Variants in DIP2C observed in about 807,000 individuals in gnomAD.
DIP2C encodes the protein DIP2 acetate--CoA ligase C (putative).
Under a neutral mutation model 192.4 loss-of-function variants are expected in DIP2C, and 33 were observed. The ratio of observed to expected loss-of-function variants is 0.17; its 90% CI spans 0.13 to 0.23. The LOEUF (loss-of-function observed/expected upper bound fraction) is 0.23, where lower values mean the gene tolerates loss of function less well. DIP2C is among the 10% of genes least tolerant of loss of function. The pLI, the probability that DIP2C is intolerant of heterozygous loss-of-function variation, is 1.00. For missense variants in DIP2C, 1,537 were observed against 2,110.1 expected, an observed-to-expected ratio of 0.73 and a Z score of 5.32; for synonymous variants, 979 against 864.1, an observed-to-expected ratio of 1.13 and a Z score of -2.33.
rs1029334676 is a variant in DIP2C at position 671,098 on chromosome 10, C to G, written c.85+18396G>C. 5.3e-5 allele frequency among the ~76,000 whole-genome samples: 8 copies of G among 152,270 alleles called. 1 individual carries two copies. The highest frequency in any genetic ancestry group is 1.9e-4 in the African/African-American group (8 of 41,468). Reference sequence around the variant, plus strand: ...GCCCCTCAGACCGAGGGCTCCGCTACGTGGCTATGACCCCATCCCTGCGGC... The same window carrying G: ...GCCCCTCAGACCGAGGGCTCCGCTAGGTGGCTATGACCCCATCCCTGCGGC... On this transcript the variant is annotated intron_variant, in intron 1 of 36. Transcript: ENST00000280886.
At chr10:362,219 G>A (rs1000686920) in intron 22 of DIP2C, among the ~76,000 whole-genome samples, 10 of 152,224 alleles carry the variant, frequency 6.6e-5, no homozygotes, top group Admixed American at 2.6e-4. Context: ...AGGAGAATGA[G>A]CTTTTGCTAC....
intron 1 of DIP2C, among the ~76,000 whole-genome samples, chr10:491,079 T>C (rs1844409765): frequency 6.6e-6 from 1 of 152,228 alleles, no homozygotes; most frequent in Admixed American, 6.5e-5. Flanking sequence ...CACCCGGCCC[T>C]TGTGGCTTCC....
chr10:603,190 T>A (rs2131709778), intron 1 of DIP2C, among the ~76,000 whole-genome samples: 1 of 149,914 alleles, frequency 6.7e-6, no homozygotes, highest in South Asian at 2.1e-4. Context: ...ATCATGCAAT[T>A]TGGAGGCTGA....
chr10:686,825 C>T (rs1404330898), intron 1 of DIP2C, among the ~76,000 whole-genome samples: 2 of 152,258 alleles, frequency 1.3e-5, no homozygotes, highest in Non-Finnish European at 1.5e-5. Flanking sequence ...CATGTAATGG[C>T]GCCCAGCAGG....
At chr10:524,118 G>A (rs1325181303) in intron 1 of DIP2C, among the ~76,000 whole-genome samples, 3 of 152,158 alleles carry the variant, frequency 2.0e-5, no homozygotes, top group African/African-American at 7.2e-5. Flanking sequence ...AGGAGTCCCT[G>A]GCTCCAGGCC....
intron 1 of DIP2C, chr10:663,157 T>G: frequency 2.1e-6 from 1 of 481,622 alleles, no homozygotes; most frequent in South Asian, 4.3e-5. Context: ...GAGTTTCTGT[T>G]GCAATTCTAT....
intron 31 of DIP2C, among the ~76,000 whole-genome samples, chr10:318,078 C>T (rs940699351): frequency 9.9e-5 from 15 of 152,234 alleles, no homozygotes; most frequent in African/African-American, 3.6e-4. Context: ...AGCTGCATCA[C>T]GGTGGCTTCC....
intron 7 of DIP2C, 150 bp downstream of exon 7, chr10:415,619 C>T: frequency 9.5e-7 from 1 of 1,048,476 alleles, no homozygotes; most frequent in East Asian, 2.6e-5. Context: ...TGCCTGGGAA[C>T]ATCACCCGCT....
At chr10:604,928 C>A (rs529008410) in intron 1 of DIP2C, among the ~76,000 whole-genome samples, 16 of 152,314 alleles carry the variant, frequency 1.1e-4, no homozygotes, top group African/African-American at 3.8e-4. Flanking sequence ...GCTTCCCACA[C>A]ACCAGCCTCT....
At chr10:436,975 G>A (rs11252403) in intron 4 of DIP2C, among the ~76,000 whole-genome samples, 51,927 of 116,386 alleles carry the variant, frequency 0.45, 12,849 homozygotes, top group South Asian at 0.66. Flanking sequence ...TCCGAGCTCC[G>A]CCTCCTGGAT....
At chr10:609,922 G>T (rs957693639) in intron 1 of DIP2C, among the ~76,000 whole-genome samples, 1 of 152,100 alleles carries the variant, frequency 6.6e-6, no homozygotes, top group Non-Finnish European at 1.5e-5. Flanking sequence ...TAGTGGAAGC[G>T]AGGGGCACAA....
intron 8 of DIP2C, 148 bp downstream of exon 8, chr10:413,765 A>G (rs1965342528): frequency 1.1e-6 from 1 of 939,646 alleles, no homozygotes; most frequent in Non-Finnish European, 1.6e-6. Flanking sequence ...TGCGTTCGGG[A>G]GTGGCTGCGC....
intron 2 of DIP2C, among the ~76,000 whole-genome samples, chr10:480,534 C>T (rs1233301646): frequency 6.6e-6 from 1 of 152,232 alleles, no homozygotes; most frequent in African/African-American, 2.4e-5. Context: ...CCAATCTCAC[C>T]ATCAGGACCG....
intron 1 of DIP2C, among the ~76,000 whole-genome samples, chr10:609,592 TCCC>T (rs1321889933): frequency 1.3e-5 from 2 of 152,268 alleles, no homozygotes; most frequent in Middle Eastern, 3.4e-3. Flanking sequence ...AGGGCTAATT[TCCC>T]CCCAAAATAG....
intron 17 of DIP2C, 95 bp from the exon 18 acceptor site, chr10:369,728 T>G (rs1374856057): frequency 6.3e-7 from 1 of 1,596,250 alleles, no homozygotes; most frequent in Non-Finnish European, 8.5e-7. Flanking sequence ...GCTGGGCACC[T>G]CTGGGCACAG....
intron 24 of DIP2C, among the ~76,000 whole-genome samples, chr10:351,625 T>C (rs1029275062): frequency 6.6e-6 from 1 of 152,116 alleles, no homozygotes; most frequent in Admixed American, 6.5e-5. Flanking sequence ...AAACAGAAAC[T>C]GATTTAAAGT....
intron 32 of DIP2C, among the ~76,000 whole-genome samples, chr10:303,844 C>CT (rs897537449): frequency 1.0e-3 from 157 of 149,820 alleles, no homozygotes; most frequent in Non-Finnish European, 1.7e-3. Context: ...ACTTTTTAAA[C>CT]TTTTTTTTTT....
At chr10:447,439 A>G (rs1968341229) in intron 3 of DIP2C, among the ~76,000 whole-genome samples, 1 of 150,318 alleles carries the variant, frequency 6.7e-6, no homozygotes, top group South Asian at 2.1e-4. Flanking sequence ...ACTCAGGATC[A>G]CACACAGTGG....
At chr10:517,966 A>G (rs528449707) in intron 1 of DIP2C, among the ~76,000 whole-genome samples, 93 of 152,340 alleles carry the variant, frequency 6.1e-4, no homozygotes, top group African/African-American at 2.2e-3. Context: ...ACACCTCCAC[A>G]GGAAACTCAA....
Sources: gnomAD v4.1 joint callset for allele counts (sites outside exome capture counted in the v4.1 genomes callset) on GRCh38, gnomAD v4.1.1 for gene constraint, MANE v1.5 for transcripts, NCBI Gene and HGNC (gene_info 2026-07-23, HGNC 2026-07-21) for gene names.